Variants in EPM2A observed in about 807,000 individuals in gnomAD.
EPM2A encodes laforin.
EPM2A carries 21 observed loss-of-function variants against 26.5 expected under a neutral mutation model. The ratio of observed to expected loss-of-function variants is 0.79; its 90% CI spans 0.56 to 1.14. The LOEUF (loss-of-function observed/expected upper bound fraction) is 1.14. Ranked by LOEUF, EPM2A falls within the 50% of genes most tolerant of loss-of-function variation. The pLI, the probability that EPM2A is intolerant of heterozygous loss-of-function variation, is 0.00. For missense variants in EPM2A, 458 were observed against 440.8 expected (o/e 1.04, Z -0.35); for synonymous variants, 217 against 177.6 (o/e 1.22, Z -1.76).
At chr6:145,620,503 C>T (rs17797949), downstream of EPM2A, among the ~76,000 whole-genome samples, 615 of 152,244 alleles carry the variant, frequency 4.0e-3, 17 homozygotes, top group East Asian at 0.069. Flanking sequence ...TTAGATTAGT[C>T]ATTTAATATT....
At chr6:145,719,068 T>C (rs1459265169) in intron 1 of EPM2A, among the ~76,000 whole-genome samples, 2 of 152,182 alleles carry the variant, frequency 1.3e-5, no homozygotes, top group Non-Finnish European at 2.9e-5. Flanking sequence ...GTGTGGCGAT[T>C]CCTCACGGAT....
At chr6:145,648,686 C>A (rs1319408629) in intron 2 of EPM2A, among the ~76,000 whole-genome samples, 1 of 152,136 alleles carries the variant, frequency 6.6e-6, no homozygotes, top group Non-Finnish European at 1.5e-5. Context: ...GGGTGGCACC[C>A]AGAATCATTT....
At chr6:145,500,468 C>T (rs1380677382), downstream of EPM2A, among the ~76,000 whole-genome samples, 1 of 152,200 alleles carries the variant, frequency 6.6e-6, no homozygotes, top group Non-Finnish European at 1.5e-5. Flanking sequence ...CACTCAGCCA[C>T]TCAGATATGT....
At chr6:145,496,735 T>TG (rs1779825837), downstream of EPM2A, among the ~76,000 whole-genome samples, 1 of 123,012 alleles carries the variant, frequency 8.1e-6, no homozygotes, top group Non-Finnish European at 1.9e-5. Context: ...GCAATTTTTT[T>TG]TTTTTTTTTT....
intron 4 of EPM2A, among the ~76,000 whole-genome samples, chr6:145,430,166 T>C (rs1055225736): frequency 9.2e-5 from 14 of 151,942 alleles, no homozygotes; most frequent in African/African-American, 3.1e-4. Flanking sequence ...CACTCCAGCC[T>C]GGGCAACAAG....
intron 2 of EPM2A, among the ~76,000 whole-genome samples, chr6:145,591,943 A>G (rs1781278803): frequency 6.6e-6 from 1 of 152,032 alleles, no homozygotes; most frequent in African/African-American, 2.4e-5. Flanking sequence ...AAATACCTAT[A>G]CTACACCTGA....
At chr6:145,677,516 T>C (rs918245460) in intron 2 of EPM2A, among the ~76,000 whole-genome samples, 3 of 152,332 alleles carry the variant, frequency 2.0e-5, no homozygotes, top group Middle Eastern at 3.4e-3. Context: ...GATGTCATGA[T>C]TGTATATTTA....
intron 4 of EPM2A, among the ~76,000 whole-genome samples, chr6:145,426,452 T>G (rs1778855667): frequency 6.6e-6 from 1 of 152,232 alleles, no homozygotes; most frequent in Non-Finnish European, 1.5e-5. Context: ...AAATTAACAG[T>G]GTAGCATATG....
chr6:145,501,994 G>A, intron 3 of EPM2A: 1 of 388,830 alleles, frequency 2.6e-6, no homozygotes, highest in Admixed American at 3.2e-5. Flanking sequence ...GTCTCGAATT[G>A]AACCCTAAAC....
intron 4 of EPM2A, among the ~76,000 whole-genome samples, chr6:145,438,446 T>C (rs1017387466): frequency 2.0e-5 from 3 of 150,102 alleles, no homozygotes; most frequent in East Asian, 2.0e-4. Context: ...ATTCCCAGTG[T>C]AGATTCTCCT....
At chr6:145,684,654 G>A (rs1316498612) in intron 2 of EPM2A, 1 of 151,972 alleles carries the variant, frequency 6.6e-6, no homozygotes, top group African/African-American at 2.4e-5. Context: ...TTATTTCCAA[G>A]CTCTCCATAA....
At chr6:145,635,003 A>G (rs1776538463) in intron 3 of EPM2A, 5 of 430,268 alleles carry the variant, frequency 1.2e-5, no homozygotes, top group East Asian at 8.9e-5. Flanking sequence ...AGCTACTAGC[A>G]TAATGCCGCA....
chr6:145,486,343 C>T (rs1779673291), intron 4 of EPM2A, among the ~76,000 whole-genome samples: 1 of 152,212 alleles, frequency 6.6e-6, no homozygotes, highest in African/African-American at 2.4e-5. Context: ...TATTTAAGGG[C>T]TACAACATGA....
chr6:145,712,257 G>A (rs1459348945), intron 1 of EPM2A, among the ~76,000 whole-genome samples: 1 of 152,084 alleles, frequency 6.6e-6, no homozygotes, highest in Non-Finnish European at 1.5e-5. Context: ...TTCTTGATAG[G>A]AAGAGGACCA....
chr6:145,560,856 C>T (rs1780794379), intron 2 of EPM2A, among the ~76,000 whole-genome samples: 2 of 152,180 alleles, frequency 1.3e-5, no homozygotes, highest in East Asian at 1.9e-4. Context: ...ATTCTGCTGA[C>T]ACTTTATTAT....
At chr6:145,616,202 C>A (rs528664847) in intron 2 of EPM2A, among the ~76,000 whole-genome samples, 3 of 152,324 alleles carry the variant, frequency 2.0e-5, no homozygotes, top group South Asian at 4.1e-4. Context: ...AAATGTGATG[C>A]CCTGCATCCC....
intron 4 of EPM2A, among the ~76,000 whole-genome samples, chr6:145,493,705 TA>T (rs562251397): frequency 7.9e-5 from 12 of 152,352 alleles, no homozygotes; most frequent in South Asian, 6.2e-4. Context: ...GAAGGAATGG[TA>T]AAATTTTATC....
chr6:145,439,245 A>G (rs957795971), intron 4 of EPM2A, among the ~76,000 whole-genome samples: 8 of 152,134 alleles, frequency 5.3e-5, no homozygotes, highest in Admixed American at 3.3e-4. Context: ...CATGTCTTTG[A>G]TATTTTGAAT....
At chr6:145,534,154 C>G (rs374000) in intron 2 of EPM2A, among the ~76,000 whole-genome samples, 4 of 151,726 alleles carry the variant, frequency 2.6e-5, no homozygotes, top group Non-Finnish European at 5.9e-5. Context: ...AATTTACTCA[C>G]AGATAATCTT....
Sources: gnomAD v4.1 joint callset for allele counts (sites outside exome capture counted in the v4.1 genomes callset) on GRCh38, gnomAD v4.1.1 for gene constraint, MANE v1.5 for transcripts, NCBI Gene and HGNC (gene_info 2026-07-23, HGNC 2026-07-21) for gene names.